LDLRAD4: variants seen among roughly 807,000 people sequenced by gnomAD.
LDLRAD4 encodes the protein low density lipoprotein receptor class A domain containing 4, also known as low-density lipoprotein receptor class A domain-containing protein 4.
In LDLRAD4, 5 loss-of-function variants were observed where a neutral mutation model predicts 17.0. The ratio of observed to expected loss-of-function variants is 0.29; its 90% confidence interval spans 0.15 to 0.62. The LOEUF is 0.62. Among genes scored for constraint, LDLRAD4 ranks in the 20% least tolerant of loss-of-function variants. The pLI is 0.84. For synonymous variants in LDLRAD4, 168 were observed against 171.8 expected (o/e 0.98, Z 0.17); for missense variants, 340 against 424.7 (o/e 0.80, Z 1.75).
chr18:13,428,625 G>A (rs189258923), intron 2 of LDLRAD4, among the ~76,000 whole-genome samples: 10 of 152,260 alleles, frequency 6.6e-5, no homozygotes, highest in Admixed American at 2.6e-4. Flanking sequence ...GATCACCATG[G>A]GGAGGGGAGA....
chr18:13,247,950 C>T (rs1218355721), intron 1 of LDLRAD4, among the ~76,000 whole-genome samples: 11 of 31,878 alleles, frequency 3.5e-4, no homozygotes, highest in Non-Finnish European at 5.2e-4. Flanking sequence ...CACACAGCGC[C>T]GCCCCCCGCC....
intron 3 of LDLRAD4, among the ~76,000 whole-genome samples, chr18:13,577,208 C>G (rs538732388): frequency 6.6e-6 from 1 of 152,136 alleles, no homozygotes; most frequent in African/African-American, 2.4e-5. Context: ...AACTCCTGGG[C>G]ATGCTGTTCC....
rs994137692 is a variant in LDLRAD4 at position 13,300,907 on chromosome 18, C to T, written c.-383+22719C>T. ...CGGCAGCGCGTCCCAGCGCTGAACC[C>T]GTGGCACCTGGCTGCTTGGCTGTGA... is the stretch of plus-strand genomic sequence containing the variant. On this transcript the variant is annotated intron_variant, in intron 1 of 5. Coordinates refer to ENST00000359446, the Ensembl canonical transcript of LDLRAD4. The surrounding 1 kb of genome is among the most constrained non-coding windows in gnomAD (Gnocchi z 4.2). Among the ~76,000 whole-genome samples, 5 of 152,222 alleles carry T rather than the reference C, an allele frequency of 3.3e-5. No individual in the cohort carries two copies. The highest frequency in any genetic ancestry group is 2.1e-4 in the South Asian group (1 of 4,832).
intron 3 of LDLRAD4, among the ~76,000 whole-genome samples, chr18:13,441,747 A>G (rs1006083): frequency 0.044 from 6,734 of 152,298 alleles, 420 homozygotes; most frequent in East Asian, 0.31. Flanking sequence ...AGAATCACAG[A>G]AGCTCTGAAA....
At chr18:13,254,879 G>A (rs2043419560) in intron 1 of LDLRAD4, among the ~76,000 whole-genome samples, 2 of 152,276 alleles carry the variant, frequency 1.3e-5, no homozygotes, top group East Asian at 1.9e-4. Context: ...CATGAGAATC[G>A]CTTGAGCCCA....
At chr18:13,493,765 C>T (rs964767831) in intron 3 of LDLRAD4, among the ~76,000 whole-genome samples, 9 of 152,278 alleles carry the variant, frequency 5.9e-5, no homozygotes, top group African/African-American at 9.6e-5. Flanking sequence ...TTACTTCATC[C>T]GTGGCTGGGA....
chr18:13,378,919 G>C (rs920899109), intron 1 of LDLRAD4, among the ~76,000 whole-genome samples: 5 of 152,226 alleles, frequency 3.3e-5, no homozygotes, highest in African/African-American at 1.2e-4. Context: ...ACTGGAAGAG[G>C]GTGGGCTGAG....
At chr18:13,270,014 G>C (rs139213302) in intron 1 of LDLRAD4, among the ~76,000 whole-genome samples, 2 of 152,258 alleles carry the variant, frequency 1.3e-5, no homozygotes, top group Non-Finnish European at 2.9e-5. Context: ...AACACACCAG[G>C]GCTGTCTAGA....
intron 1 of LDLRAD4, among the ~76,000 whole-genome samples, chr18:13,256,049 G>A (rs571388691): frequency 1.2e-3 from 186 of 152,296 alleles, no homozygotes; most frequent in African/African-American, 4.3e-3. Flanking sequence ...AGGATATTAT[G>A]TGTTAATTGT....
intron 4 of LDLRAD4, among the ~76,000 whole-genome samples, chr18:13,639,728 A>G (rs2042365492): frequency 6.6e-6 from 1 of 152,208 alleles, no homozygotes; most frequent in Non-Finnish European, 1.5e-5. Context: ...TGTGTGGGTG[A>G]AAGGCCTGGG....
chr18:13,433,855 G>A (rs541980926), intron 2 of LDLRAD4, among the ~76,000 whole-genome samples: 7 of 151,928 alleles, frequency 4.6e-5, no homozygotes, highest in Non-Finnish European at 8.8e-5. Context: ...TTCTCCTCTC[G>A]CACATGGTAT....
chr18:13,467,236 G>A (rs1042612629), intron 3 of LDLRAD4, among the ~76,000 whole-genome samples: 8 of 152,210 alleles, frequency 5.3e-5, no homozygotes, highest in African/African-American at 9.6e-5. Flanking sequence ...ATGATCTTAT[G>A]TATAGAGTAT....
intron 3 of LDLRAD4, among the ~76,000 whole-genome samples, chr18:13,510,321 C>T (rs1276891038): frequency 1.3e-5 from 2 of 152,130 alleles, no homozygotes; most frequent in African/African-American, 2.4e-5. Flanking sequence ...CAGGAGTCAG[C>T]TTGGAGACTT....
intron 1 of LDLRAD4, among the ~76,000 whole-genome samples, chr18:13,386,954 G>A (rs8083179): frequency 3.9e-4 from 36 of 93,274 alleles, no homozygotes; most frequent in African/African-American, 1.4e-3. Context: ...ATAGATGGAT[G>A]GATGGATAGA....
chr18:13,338,502 T>C (rs1272441706), intron 1 of LDLRAD4, among the ~76,000 whole-genome samples: 1 of 152,188 alleles, frequency 6.6e-6, no homozygotes, highest in African/African-American at 2.4e-5. Context: ...TTGGTGGATT[T>C]GTTTGTGAAT....
chr18:13,409,449 A>G (rs988132579), intron 2 of LDLRAD4, among the ~76,000 whole-genome samples: 1 of 152,230 alleles, frequency 6.6e-6, no homozygotes, highest in African/African-American at 2.4e-5. Context: ...CTTGTCTCTT[A>G]TTTATTGCCA....
rs371931098 is a variant in LDLRAD4 at position 13,531,657 on chromosome 18, C to T, written c.182-89460C>T. Among the ~76,000 whole-genome samples, 211 of 146,088 alleles carry T rather than the reference C, an allele frequency of 1.4e-3. 1 individual carries two copies. Among genetic ancestry groups the T allele is most frequent in the African/African-American group, 5.1e-3 (200 of 39,300 alleles). On this transcript the variant is annotated intron_variant, in intron 3 of 5. Transcript: ENST00000359446. Reference sequence around the variant, plus strand: ...AATGTCATGGGGAGAGGTTGTCTGGCTCTGGTCTGAGGTAGGAGGAAGGCA... The same window carrying T: ...AATGTCATGGGGAGAGGTTGTCTGGTTCTGGTCTGAGGTAGGAGGAAGGCA...
chr18:13,305,633 A>G (rs1308905224), intron 1 of LDLRAD4, among the ~76,000 whole-genome samples: 3 of 152,232 alleles, frequency 2.0e-5, no homozygotes, highest in African/African-American at 7.2e-5. Flanking sequence ...AAGTCATGAC[A>G]TTGCAAGAAG....
intron 4 of LDLRAD4, among the ~76,000 whole-genome samples, chr18:13,630,407 A>G (rs1056945013): frequency 2.0e-5 from 3 of 152,172 alleles, no homozygotes; most frequent in Non-Finnish European, 1.5e-5. Flanking sequence ...GAGAGGCTGC[A>G]TGAAAAAAGG....
Sources: gnomAD v4.1 joint callset for allele counts (sites outside exome capture counted in the v4.1 genomes callset) on GRCh38, gnomAD v4.1.1 for gene constraint, Gnocchi (gnomAD v3.1) non-coding constraint, MANE v1.5 for transcripts, NCBI Gene and HGNC (gene_info 2026-07-23, HGNC 2026-07-21) for gene names.